Variants in DAPK2 observed in about 807,000 individuals in gnomAD.
DAPK2 encodes the protein death associated protein kinase 2.
In DAPK2, 35 loss-of-function variants were observed where a neutral mutation model predicts 44.1. That is an observed-to-expected ratio of 0.79 (90% CI 0.61 to 1.05). DAPK2 has a LOEUF of 1.05. Ranked by LOEUF, DAPK2 falls within the 50% of genes least tolerant of loss-of-function variation. The probability of loss-of-function intolerance (pLI) is 0.00; values close to 1 mark genes in which losing one functional copy is unlikely to be tolerated. For missense variants in DAPK2, 453 were observed against 483.2 expected (o/e 0.94, Z 0.59); for synonymous variants, 174 against 182.6 (o/e 0.95, Z 0.38).
rs898830976 is a variant in DAPK2 at position 63,980,729 on chromosome 15, T to C, written c.314+2804A>G. 3.3e-5 allele frequency among the ~76,000 whole-genome samples: 5 copies of C among 152,224 alleles called. No individual in the cohort carries two copies. Among genetic ancestry groups the C allele is most frequent in the East Asian group, 3.8e-4 (2 of 5,196 alleles). On this transcript the variant is annotated intron_variant, in intron 2 of 10. Transcript: ENST00000261891. The surrounding 1 kb of genome is among the most constrained non-coding windows in gnomAD (Gnocchi z 4.3). ...AATAAGGATGCTATGGTTTGACTAT[T>C]TGTGCCCTACAAACTCGCATTGAAA...
exon 2 of DAPK2, chr15:63,983,607 C>T (rs779682542): frequency 6.2e-7 from 1 of 1,614,222 alleles, no homozygotes; most frequent in Non-Finnish European, 8.5e-7. Context: ...GGTGCAGCAC[C>T]TGCCGCAGGA....
At chr15:63,968,795 A>C (rs2078127007) in intron 3 of DAPK2, among the ~76,000 whole-genome samples, 1 of 152,244 alleles carries the variant, frequency 6.6e-6, no homozygotes, top group African/African-American at 2.4e-5. Flanking sequence ...GCGAGCTGCC[A>C]TAAAGGCAAG....
At chr15:63,991,153 C>T (rs894472014) in intron 1 of DAPK2, 12 of 441,426 alleles carry the variant, frequency 2.7e-5, no homozygotes, top group African/African-American at 1.4e-4. Context: ...AGAAATATAA[C>T]GTTATCTGAG....
intron 3 of DAPK2, among the ~76,000 whole-genome samples, chr15:63,953,900 T>A (rs1029464114): frequency 3.9e-5 from 6 of 152,240 alleles, no homozygotes; most frequent in Non-Finnish European, 8.8e-5. Context: ...ATACACCTGT[T>A]TGCCATTTGT....
chr15:64,005,161 G>T (rs1292203604), intron 1 of DAPK2, among the ~76,000 whole-genome samples: 1 of 152,156 alleles, frequency 6.6e-6, no homozygotes, highest in East Asian at 1.9e-4. Flanking sequence ...CATGTCTTCT[G>T]AGTGAACCCA....
intron 3 of DAPK2, among the ~76,000 whole-genome samples, chr15:63,964,407 T>C (rs999451738): frequency 6.6e-6 from 1 of 152,212 alleles, no homozygotes; most frequent in African/African-American, 2.4e-5. Flanking sequence ...GATTATTAAA[T>C]GTCTTTAATT....
Position 63,990,170 on chromosome 15 carries a change from G to A in DAPK2, c.93-6416C>T, listed in dbSNP as rs2078778729. Reference sequence around the variant, plus strand: ...TTGAAAGATCTATGGGCTGGGTGTGGTTGTTGTAATCCCAGCACTCTGGGA... The same window carrying A: ...TTGAAAGATCTATGGGCTGGGTGTGATTGTTGTAATCCCAGCACTCTGGGA... On this transcript the variant is annotated intron_variant, in intron 1 of 10. Coordinates refer to ENST00000261891, the Ensembl canonical transcript of DAPK2. This position sits in a 1 kb window ranked among gnomAD's most constrained non-coding sequence, Gnocchi z 4.3. Among the ~76,000 whole-genome samples the A allele has an allele frequency of 6.6e-6, 1 of 152,110 alleles. No individual in the cohort carries two copies. The highest frequency in any genetic ancestry group is 1.9e-4 in the East Asian group (1 of 5,188).
At chr15:63,921,379 C>T (rs1465639984) in intron 8 of DAPK2, 1 of 152,254 alleles carries the variant, frequency 6.6e-6, no homozygotes, top group African/African-American at 2.4e-5. Context: ...TTCCTCAGCT[C>T]TAAATTGGGA....
At chr15:64,000,192 C>T (rs994059055) in intron 1 of DAPK2, among the ~76,000 whole-genome samples, 1,066 of 71,892 alleles carry the variant, frequency 0.015, 11 homozygotes, top group African/African-American at 0.032. Flanking sequence ...CTACTACACA[C>T]ACACACACAC....
At chr15:64,028,327 G>A (rs1349892754) in intron 1 of DAPK2, among the ~76,000 whole-genome samples, 1 of 152,196 alleles carries the variant, frequency 6.6e-6, no homozygotes, top group Non-Finnish European at 1.5e-5. Context: ...CCAAAGTGCT[G>A]GGATTTCAGG....
chr15:63,939,456 G>T lies in DAPK2; in HGVS notation c.454-95C>A. The T allele has an allele frequency of 8.1e-7, 1 of 1,236,996 alleles. No individual in the cohort carries two copies. Among genetic ancestry groups the T allele is most frequent in the Non-Finnish European group, 1.1e-6 (1 of 899,306 alleles). The allele number at this position is 1,236,996 out of a possible 1,614,324, so 76.6% of individuals were successfully genotyped here. A position where few individuals can be genotyped will look rare whatever the true frequency, so the allele number is the denominator to read the frequency against. On this transcript the variant is annotated intron_variant, in intron 3 of 10. Transcript: ENST00000261891. The surrounding 1 kb of genome is among the most constrained non-coding windows in gnomAD (Gnocchi z 4.3). ...TGGTTGGTTCGTGTTTTGGCTTTGG[G>T]GTTTGGGGTGGGACTTGGTGTTCTT...
chr15:63,955,322 T>C (rs1273525936), intron 3 of DAPK2, among the ~76,000 whole-genome samples: 3 of 152,192 alleles, frequency 2.0e-5, no homozygotes, highest in Non-Finnish European at 2.9e-5. Context: ...GAGATATTTA[T>C]CATGTGGGGA....
At chr15:63,946,030 C>G (rs1345994965) in intron 3 of DAPK2, among the ~76,000 whole-genome samples, 1 of 152,240 alleles carries the variant, frequency 6.6e-6, no homozygotes, top group Non-Finnish European at 1.5e-5. Flanking sequence ...ACCCACATAC[C>G]TGACATCACC....
chr15:63,999,459 A>C (rs533866026), intron 1 of DAPK2, among the ~76,000 whole-genome samples: 1 of 152,282 alleles, frequency 6.6e-6, no homozygotes, highest in South Asian at 2.1e-4. Context: ...AGCTTGCCCA[A>C]GGTCACAAAG....
intron 4 of DAPK2, chr15:63,935,637 G>A (rs2077123220): frequency 6.6e-6 from 1 of 152,026 alleles, no homozygotes; most frequent in Non-Finnish European, 1.5e-5. Flanking sequence ...GGTATATATT[G>A]TCCTTTCTGT....
intron 1 of DAPK2, among the ~76,000 whole-genome samples, chr15:64,035,685 C>A (rs1157357152): frequency 6.6e-6 from 1 of 152,188 alleles, no homozygotes; most frequent in African/African-American, 2.4e-5. Flanking sequence ...TGATTGCTAC[C>A]AAGGCTGGGA....
intron 3 of DAPK2, among the ~76,000 whole-genome samples, chr15:63,949,481 C>T (rs955843092): frequency 1.3e-5 from 2 of 152,178 alleles, no homozygotes; most frequent in African/African-American, 4.8e-5. Flanking sequence ...CCCTCAAAGC[C>T]AACGGGTGAG....
intron 1 of DAPK2, among the ~76,000 whole-genome samples, chr15:63,984,251 G>A (rs2078610674): frequency 1.3e-5 from 2 of 152,182 alleles, no homozygotes; most frequent in South Asian, 4.1e-4. Flanking sequence ...AGGAAACTGA[G>A]GCATAAGGAT....
chr15:63,953,131 C>G, intron 3 of DAPK2, among the ~76,000 whole-genome samples: 1 of 151,932 alleles, frequency 6.6e-6, no homozygotes, highest in East Asian at 1.9e-4. Context: ...ACCTCACCCC[C>G]CTCCCACCCT....
Sources: allele counts gnomAD v4.1 joint callset (sites outside exome capture counted in the v4.1 genomes callset), GRCh38; gene constraint gnomAD v4.1.1; non-coding constraint Gnocchi (gnomAD v3.1); transcripts MANE v1.5; gene names NCBI Gene and HGNC (gene_info 2026-07-23, HGNC 2026-07-21).